ASIC2: variants seen among roughly 807,000 people sequenced by gnomAD.
ASIC2 encodes the protein acid sensing ion channel subunit 2.
A neutral mutation model predicts 57.3 loss-of-function variants in ASIC2; 25 were observed. That is an observed-to-expected ratio of 0.44 (90% CI 0.32 to 0.61). The LOEUF (loss-of-function observed/expected upper bound fraction) is 0.61. Ranked by LOEUF, ASIC2 falls within the 20% of genes least tolerant of loss-of-function variation. The pLI, the probability that ASIC2 is intolerant of heterozygous loss-of-function variation, is 0.06. For synonymous variants in ASIC2, 319 were observed against 307.5 expected (o/e 1.04, Z -0.39); for missense variants, 641 against 738.1 (o/e 0.87, Z 1.52).
At chr17:33,352,037 C>G (rs532193588) in intron 1 of ASIC2, among the ~76,000 whole-genome samples, 7 of 152,214 alleles carry the variant, frequency 4.6e-5, no homozygotes, top group Admixed American at 4.6e-4. Context: ...AGATGGTCCT[C>G]CCCTTGAGTG....
chr17:33,579,216 G>A lies in ASIC2; in HGVS notation c.556-467149C>T, dbSNP rs28701078. Reference sequence around the variant, plus strand: ...CAGGAGAATCGCTTGAACCCGGGAGGCAGAGGTTGCAGTGAGCCAAAATCA... The same window carrying A: ...CAGGAGAATCGCTTGAACCCGGGAGACAGAGGTTGCAGTGAGCCAAAATCA... On this transcript the variant is annotated intron_variant, in intron 1 of 9. Transcript: ENST00000359872. Among the ~76,000 whole-genome samples, 769 of 150,038 alleles carry A rather than the reference G, an allele frequency of 5.1e-3. 8 individuals carry two copies. The highest frequency in any genetic ancestry group is 0.018 in the African/African-American group (739 of 40,426).
At chr17:33,952,702 A>G (rs1308475845) in intron 1 of ASIC2, among the ~76,000 whole-genome samples, 1 of 152,202 alleles carries the variant, frequency 6.6e-6, no homozygotes, top group Non-Finnish European at 1.5e-5. Flanking sequence ...TGCACTCCCT[A>G]GCCTAAGGAA....
intron 1 of ASIC2, among the ~76,000 whole-genome samples, chr17:33,978,307 C>T (rs1905470213): frequency 6.6e-6 from 1 of 152,170 alleles, no homozygotes; most frequent in South Asian, 2.1e-4. Flanking sequence ...CAGCCCAGGG[C>T]TACGTAGAAA....
intron 1 of ASIC2, among the ~76,000 whole-genome samples, chr17:33,894,873 T>C (rs966046586): frequency 1.3e-5 from 2 of 152,116 alleles, no homozygotes; most frequent in Non-Finnish European, 2.9e-5. Context: ...GTTTTGACCA[T>C]TGGCATAAAT....
intron 1 of ASIC2, among the ~76,000 whole-genome samples, chr17:33,196,868 G>C (rs542117489): frequency 6.6e-6 from 1 of 152,328 alleles, no homozygotes; most frequent in African/African-American, 2.4e-5. Flanking sequence ...ACACAGATGG[G>C]AGTAGGAATC....
At chr17:33,718,671 G>C (rs1022728404) in intron 1 of ASIC2, among the ~76,000 whole-genome samples, 2 of 152,156 alleles carry the variant, frequency 1.3e-5, no homozygotes, top group Non-Finnish European at 2.9e-5. Context: ...GCAGAGAGAA[G>C]GGGCAAAGAA....
chr17:33,607,154 A>G (rs1905251778), intron 1 of ASIC2, among the ~76,000 whole-genome samples: 1 of 152,122 alleles, frequency 6.6e-6, no homozygotes, highest in African/African-American at 2.4e-5. Flanking sequence ...AGGGGCATGG[A>G]ACAGCCTGAG....
chr17:33,382,945 G>A (rs754449200), intron 1 of ASIC2, among the ~76,000 whole-genome samples: 1 of 151,970 alleles, frequency 6.6e-6, no homozygotes, highest in African/African-American at 2.4e-5. Context: ...CAGGTCTGCC[G>A]TTCCCTGTGC....
intron 1 of ASIC2, among the ~76,000 whole-genome samples, chr17:33,163,201 C>T (rs1905210945): frequency 6.6e-6 from 1 of 152,132 alleles, no homozygotes; most frequent in African/African-American, 2.4e-5. Context: ...AAGGGCTCTC[C>T]TAGGCCGTCT....
intron 1 of ASIC2, among the ~76,000 whole-genome samples, chr17:33,321,626 G>A (rs182216883): frequency 7.9e-5 from 12 of 152,132 alleles, no homozygotes; most frequent in African/African-American, 2.9e-4. Context: ...CTTCCTAGAG[G>A]GAACCATTTT....
chr17:33,686,601 C>G (rs1417801080), intron 1 of ASIC2, among the ~76,000 whole-genome samples: 1 of 152,202 alleles, frequency 6.6e-6, no homozygotes, highest in African/African-American at 2.4e-5. Context: ...GAAGAGAGCT[C>G]TCTTGGCATT....
At chr17:34,024,070 C>T (rs1907282114) in intron 1 of ASIC2, among the ~76,000 whole-genome samples, 2 of 152,182 alleles carry the variant, frequency 1.3e-5, no homozygotes, top group African/African-American at 2.4e-5. Context: ...GCCTGTCTTA[C>T]TCTTAACCTA....
At chr17:34,124,773 C>T (rs1333703897) in intron 1 of ASIC2, among the ~76,000 whole-genome samples, 1 of 152,004 alleles carries the variant, frequency 6.6e-6, no homozygotes, top group Non-Finnish European at 1.5e-5. Flanking sequence ...AGATCTCTAG[C>T]CCCTCTTCCT....
chr17:33,905,980 G>T (rs895476470), intron 1 of ASIC2, among the ~76,000 whole-genome samples: 1 of 151,458 alleles, frequency 6.6e-6, no homozygotes, highest in Non-Finnish European at 1.5e-5. Context: ...ACTATGCCTG[G>T]CTGCCCAGCT....
At chr17:33,618,267 T>C (rs1362648620) in intron 1 of ASIC2, among the ~76,000 whole-genome samples, 1 of 151,994 alleles carries the variant, frequency 6.6e-6, no homozygotes, top group East Asian at 1.9e-4. Flanking sequence ...TTGCCTAGGC[T>C]GGCCTCAAAC....
chr17:33,113,384 A>G (rs1648378560), intron 1 of ASIC2, among the ~76,000 whole-genome samples: 1 of 152,232 alleles, frequency 6.6e-6, no homozygotes. Flanking sequence ...TGATGATTAT[A>G]TAACTGCTTT....
intron 1 of ASIC2, among the ~76,000 whole-genome samples, chr17:33,182,076 A>G (rs1398022069): frequency 6.6e-6 from 1 of 152,216 alleles, no homozygotes; most frequent in African/African-American, 2.4e-5. Flanking sequence ...TGTGACAAGT[A>G]GGTTGAGAAC....
chr17:33,859,207 A>C (rs2141922459), intron 1 of ASIC2, among the ~76,000 whole-genome samples: 1 of 152,344 alleles, frequency 6.6e-6, no homozygotes, highest in Admixed American at 6.5e-5. Flanking sequence ...CAATACCATA[A>C]ATAATGATAG....
intron 1 of ASIC2, among the ~76,000 whole-genome samples, chr17:33,690,001 G>T (rs1243795150): frequency 2.0e-5 from 3 of 152,212 alleles, no homozygotes; most frequent in East Asian, 3.8e-4. Context: ...AACTTTTGTT[G>T]TTTCTGTTGC....
Sources: allele counts gnomAD v4.1 joint callset (sites outside exome capture counted in the v4.1 genomes callset), GRCh38; gene constraint gnomAD v4.1.1; transcripts MANE v1.5; gene names NCBI Gene and HGNC (gene_info 2026-07-23, HGNC 2026-07-21).